Variants in SMARCA5 observed in about 807,000 individuals in gnomAD.
The protein encoded by SMARCA5 is SNF2 related chromatin remodeling ATPase 5.
A neutral mutation model predicts 140.4 loss-of-function variants in SMARCA5; 18 were observed. The observed-to-expected ratio is 0.13, with a 90% CI of 0.09 to 0.19. The LOEUF (loss-of-function observed/expected upper bound fraction) is 0.19. Among genes scored for constraint, SMARCA5 ranks in the 10% least tolerant of loss-of-function variants. SMARCA5 has a pLI of 1.00. For synonymous variants in SMARCA5, 449 were observed against 419.6 expected (o/e 1.07, Z -0.86); for missense variants, 606 against 1,276.8 (o/e 0.47, Z 8.01).
At chr4:143,517,274 T>C (rs1454764283) in intron 1 of SMARCA5, 81 bp from the exon 2 acceptor site, 37 of 897,108 alleles carry the variant, frequency 4.1e-5, no homozygotes, top group Admixed American at 2.8e-5. Flanking sequence ...ATTTAAGATG[T>C]GTTTTGGTCA....
chr4:143,514,240 T>C (rs1212742433), intron 1 of SMARCA5, 139 bp downstream of exon 1: 4 of 759,510 alleles, frequency 5.3e-6, no homozygotes, highest in Non-Finnish European at 8.1e-6. Context: ...GGATACGAAA[T>C]GATGCTCTCA....
intron 2 of SMARCA5, among the ~76,000 whole-genome samples, chr4:143,518,063 G>A (rs924998454): frequency 2.0e-5 from 3 of 152,104 alleles, no homozygotes; most frequent in Non-Finnish European, 4.4e-5. Flanking sequence ...CTCAGTGTAT[G>A]TTTATTCTGC....
chr4:143,535,252 A>G (rs1161948910), intron 10 of SMARCA5, among the ~76,000 whole-genome samples: 3 of 152,184 alleles, frequency 2.0e-5, no homozygotes, highest in African/African-American at 7.2e-5. Context: ...GGATTTTTAA[A>G]AAGGAAACTG....
intron 11 of SMARCA5, 46 bp from the exon 12 acceptor site, chr4:143,538,544 T>G (rs920116729): frequency 6.4e-7 from 1 of 1,562,160 alleles, no homozygotes. Context: ...CTTAAATTTT[T>G]CTACTTTTGA....
At chr4:143,545,635 G>A in intron 18 of SMARCA5, 52 bp downstream of exon 18, 1 of 1,077,104 alleles carries the variant, frequency 9.3e-7, no homozygotes, top group Non-Finnish European at 1.4e-6. Flanking sequence ...AATTATGGAA[G>A]GTATAAACAT....
chr4:143,522,197 C>T (rs7685063), intron 3 of SMARCA5, among the ~76,000 whole-genome samples: 70,350 of 151,950 alleles, frequency 0.46, 16,637 homozygotes, highest in East Asian at 0.74. Flanking sequence ...TCACGGCAGC[C>T]TGTTTAAAAT....
chr4:143,527,333 T>G (rs1477631275), intron 6 of SMARCA5, among the ~76,000 whole-genome samples: 15 of 152,212 alleles, frequency 9.9e-5, no homozygotes, highest in Non-Finnish European at 1.0e-4. Context: ...TTCTCTCCCT[T>G]TCTAGTTATG....
At chr4:143,539,020 T>G in intron 13 of SMARCA5, 82 bp downstream of exon 13, 1 of 1,208,832 alleles carries the variant, frequency 8.3e-7, no homozygotes, top group Admixed American at 2.0e-5. Context: ...TATCAGTGAC[T>G]TAACCCAATA....
rs770384061 is a variant in SMARCA5 at position 143,525,423 on chromosome 4, G to A, written c.521-28G>A. ...TGCCTTGTATTTCTTGTCTTAAAATGCCTATTGTGCTTTTCTTTTGTTCTT... is the reference window on the plus strand; with the variant it reads ...TGCCTTGTATTTCTTGTCTTAAAATACCTATTGTGCTTTTCTTTTGTTCTT... On this transcript the variant is annotated intron_variant, in intron 4 of 23. Coordinates refer to ENST00000283131, the MANE Select transcript of SMARCA5 (RefSeq NM_003601.4). 2.2e-6 allele frequency: 3 copies of A among 1,353,508 alleles called. No homozygotes were observed. The East Asian group carries it at 6.9e-5, about 31-fold the overall frequency. 83.8% of individuals were successfully genotyped at this position (1,353,508 alleles called of 1,614,324 possible).
intron 23 of SMARCA5, among the ~76,000 whole-genome samples, chr4:143,550,680 A>G (rs1737625106): frequency 6.6e-6 from 1 of 152,068 alleles, no homozygotes; most frequent in Non-Finnish European, 1.5e-5. Context: ...AAGTGAGAAC[A>G]TGCCAAGTTT....
At chr4:143,537,243 A>G (rs1165021243) in intron 11 of SMARCA5, among the ~76,000 whole-genome samples, 4 of 152,202 alleles carry the variant, frequency 2.6e-5, no homozygotes, top group Non-Finnish European at 5.9e-5. Flanking sequence ...TTAGTCTGCT[A>G]TACCCTTCCT....
intron 11 of SMARCA5, among the ~76,000 whole-genome samples, chr4:143,537,006 T>A (rs1737320989): frequency 6.6e-6 from 1 of 152,216 alleles, no homozygotes; most frequent in Admixed American, 6.5e-5. Flanking sequence ...CCAGATCCAT[T>A]GTTAGACAGT....
chr4:143,536,441 T>C lies in SMARCA5; in HGVS notation c.1269-11T>C. 1 of 1,588,900 alleles carries C rather than the reference T, an allele frequency of 6.3e-7. No homozygotes were observed. The highest frequency in any genetic ancestry group is 1.1e-5 in the South Asian group (1 of 90,472). On this transcript the variant is annotated splice_polypyrimidine_tract_variant and intron_variant, in intron 10 of 23. Coordinates refer to ENST00000283131, the MANE Select transcript of SMARCA5 (RefSeq NM_003601.4). ...ATTTGAGCTCTAAAAATGTTTTTCT[T>C]CTTTGAATAGGTATACTCGGATATT...
At chr4:143,537,426 TATG>T (rs1737333664) in intron 11 of SMARCA5, among the ~76,000 whole-genome samples, 1 of 152,224 alleles carries the variant, frequency 6.6e-6, no homozygotes, top group Admixed American at 6.5e-5. Flanking sequence ...GAATCTCCTC[TATG>T]ATACTATCAA....
At chr4:143,540,066 A>G (rs965975886) in intron 13 of SMARCA5, among the ~76,000 whole-genome samples, 6 of 152,172 alleles carry the variant, frequency 3.9e-5, no homozygotes, top group East Asian at 1.9e-4. Context: ...AGCAGTGACA[A>G]TTTGGGTTTG....
Position 143,553,204 on chromosome 4 carries a change from T to TC in SMARCA5, c.*21dup. On this transcript the variant is annotated 3_prime_UTR_variant, in exon 24 of 24. Coordinates refer to ENST00000283131, the MANE Select transcript of SMARCA5 (RefSeq NM_003601.4). Reference sequence around the variant, plus strand: ...CTATGAATATGTTTTTGTTTCATAATCACTAACTTTAAACCAGTAGTTCTT... The same window carrying TC: ...CTATGAATATGTTTTTGTTTCATAATCCACTAACTTTAAACCAGTAGTTCTT... 1 of 1,570,436 alleles carries TC rather than the reference T, an allele frequency of 6.4e-7. No homozygotes were observed. Among genetic ancestry groups the TC allele is most frequent in the South Asian group, 1.1e-5 (1 of 90,134 alleles).
chr4:143,529,729 A>G (rs1322293705), intron 8 of SMARCA5, among the ~76,000 whole-genome samples: 1 of 152,238 alleles, frequency 6.6e-6, no homozygotes, highest in East Asian at 1.9e-4. Flanking sequence ...AAGTTATAAA[A>G]AGGTATTAAT....
rs570045858 is a variant in SMARCA5 at position 143,517,633 on chromosome 4, A to G, written c.252+204A>G. ...CAGCATTTGTTGAGGGCCTTCTTGC[A>G]GTGTCATTATATGGAGGAAGGCCAA... On this transcript the variant is annotated intron_variant, in intron 2 of 23. Transcript: ENST00000283131. Among the ~76,000 whole-genome samples the G allele has an allele frequency of 2.6e-5, 4 of 152,322 alleles. No individual in the cohort carries two copies. The South Asian group carries it at 6.2e-4, about 24-fold the overall frequency.
Position 143,556,821 on chromosome 4 carries a change from G to A in SMARCA5, c.*3637G>A, listed in dbSNP as rs185013338. The A allele has an allele frequency of 1.2e-4, 18 of 152,210 alleles. No homozygotes were observed. Among genetic ancestry groups the A allele is most frequent in the Middle Eastern group, 3.4e-3 (1 of 294 alleles). 9.4% of individuals were successfully genotyped at this position (152,210 alleles called of 1,614,324 possible). A position where few individuals can be genotyped will look rare whatever the true frequency, so the allele number is the denominator to read the frequency against. On this transcript the variant is annotated 3_prime_UTR_variant, in exon 24 of 24. Transcript: ENST00000283131. ...GATCTGTTAAGGTTTTTATTAGAATGATTAAATAGGCTTTTGCAGCATTAA... is the reference window on the plus strand; with the variant it reads ...GATCTGTTAAGGTTTTTATTAGAATAATTAAATAGGCTTTTGCAGCATTAA...
Sources: allele counts gnomAD v4.1 joint callset (sites outside exome capture counted in the v4.1 genomes callset), GRCh38; gene constraint gnomAD v4.1.1; transcripts MANE v1.5; gene names NCBI Gene and HGNC (gene_info 2026-07-23, HGNC 2026-07-21).